Variants in FHIT observed in about 807,000 individuals in gnomAD.
FHIT encodes bis(5'-adenosyl)-triphosphatase.
In FHIT, 19 loss-of-function variants were observed where a neutral mutation model predicts 17.9. The observed-to-expected ratio is 1.06, with a 90% CI of 0.74 to 1.56. FHIT has a LOEUF of 1.56. FHIT is among the 40% of genes most tolerant of loss of function. The pLI is 0.00. For synonymous variants in FHIT, 81 were observed against 69.7 expected (o/e 1.16, Z -0.81); for missense variants, 248 against 189.2 (o/e 1.31, Z -1.82).
chr3:61,003,016 G>C (rs1255775306), intron 3 of FHIT, among the ~76,000 whole-genome samples: 1 of 152,196 alleles, frequency 6.6e-6, no homozygotes, highest in African/African-American at 2.4e-5. Context: ...GAATGCTGCT[G>C]AAAGGGTTTT....
chr3:61,216,926 T>C (rs1208222093), intron 1 of FHIT, among the ~76,000 whole-genome samples: 1 of 143,382 alleles, frequency 7.0e-6, no homozygotes, highest in East Asian at 2.0e-4. Flanking sequence ...TTCTCACTCA[T>C]AGGTGGGAAT....
At chr3:60,785,402 C>T (rs1277998988) in intron 4 of FHIT, among the ~76,000 whole-genome samples, 7 of 152,092 alleles carry the variant, frequency 4.6e-5, no homozygotes, top group African/African-American at 1.7e-4. Context: ...GGCCCATTTA[C>T]CATGCCACAG....
At chr3:60,369,216 C>T (rs1700228141) in intron 5 of FHIT, among the ~76,000 whole-genome samples, 1 of 152,084 alleles carries the variant, frequency 6.6e-6, no homozygotes, top group African/African-American at 2.4e-5. Context: ...AAACAATCCT[C>T]CCACCTCAGC....
chr3:61,136,925 A>G (rs139548883), intron 2 of FHIT, among the ~76,000 whole-genome samples: 1 of 152,368 alleles, frequency 6.6e-6, no homozygotes, highest in Non-Finnish European at 1.5e-5. Context: ...TTTGAGGACA[A>G]CTAGAAGATA....
intron 4 of FHIT, among the ~76,000 whole-genome samples, chr3:60,582,277 G>T (rs557587440): frequency 6.6e-6 from 1 of 152,044 alleles, no homozygotes; most frequent in African/African-American, 2.4e-5. Context: ...TGTGGGGGGC[G>T]ACTAGTCATT....
chr3:60,110,092 G>T lies in FHIT; in HGVS notation c.104-95940C>A, dbSNP rs189613316. On this transcript the variant is annotated intron_variant, in intron 5 of 9. Transcript: ENST00000492590. ...TGGCTATAAAGGAAACAGGAAACCTGTGTTCCAGGGACAATCTTCTTCATC... is the reference window on the plus strand; with the variant it reads ...TGGCTATAAAGGAAACAGGAAACCTTTGTTCCAGGGACAATCTTCTTCATC... Among the ~76,000 whole-genome samples, 4 of 152,258 alleles carry T rather than the reference G, an allele frequency of 2.6e-5. No homozygotes were observed. In the East Asian group the frequency reaches 7.7e-4, roughly 29 times the overall value.
At chr3:60,550,584 C>T (rs1169601138) in intron 4 of FHIT, among the ~76,000 whole-genome samples, 2 of 150,260 alleles carry the variant, frequency 1.3e-5, no homozygotes, top group African/African-American at 2.4e-5. Context: ...GATCTCACTT[C>T]ATCAGTTACC....
chr3:60,400,795 T>C (rs1226646831), intron 5 of FHIT, among the ~76,000 whole-genome samples: 5 of 152,116 alleles, frequency 3.3e-5, no homozygotes, highest in Admixed American at 6.5e-5. Flanking sequence ...AAGTGAAATC[T>C]CAGTGCGAAA....
intron 3 of FHIT, among the ~76,000 whole-genome samples, chr3:60,918,618 G>T (rs560970644): frequency 1.3e-5 from 2 of 152,300 alleles, no homozygotes; most frequent in South Asian, 4.1e-4. Context: ...GAAGATCTGG[G>T]AAAGGAAACC....
At chr3:60,365,037 T>A (rs1485986951) in intron 5 of FHIT, among the ~76,000 whole-genome samples, 2 of 147,908 alleles carry the variant, frequency 1.4e-5, no homozygotes, top group Non-Finnish European at 3.0e-5. Flanking sequence ...TGTATGTATG[T>A]ATCTATCTGA....
At chr3:60,337,195 C>T (rs1710286755) in intron 5 of FHIT, among the ~76,000 whole-genome samples, 1 of 152,054 alleles carries the variant, frequency 6.6e-6, no homozygotes, top group Non-Finnish European at 1.5e-5. Flanking sequence ...TTAGGGAATG[C>T]ATACTTTTTT....
chr3:60,828,976 G>A (rs1702220821), intron 3 of FHIT, among the ~76,000 whole-genome samples: 1 of 152,200 alleles, frequency 6.6e-6, no homozygotes, highest in African/African-American at 2.4e-5. Flanking sequence ...TGAAGGATGA[G>A]AAGGAGAACA....
At chr3:60,597,617 T>C (rs2038311993) in intron 4 of FHIT, among the ~76,000 whole-genome samples, 1 of 152,086 alleles carries the variant, frequency 6.6e-6, no homozygotes, top group African/African-American at 2.4e-5. Context: ...GAAGTCTAAG[T>C]CTCAGTCTCT....
chr3:60,963,182 A>G (rs1265320682), intron 3 of FHIT, among the ~76,000 whole-genome samples: 1 of 152,108 alleles, frequency 6.6e-6, no homozygotes, highest in African/African-American at 2.4e-5. Flanking sequence ...CCGGGAATTT[A>G]TCCATTTCTT....
At chr3:60,737,635 T>C (rs1397695363) in intron 4 of FHIT, among the ~76,000 whole-genome samples, 1 of 152,196 alleles carries the variant, frequency 6.6e-6, no homozygotes, top group African/African-American at 2.4e-5. Flanking sequence ...CTGCATCGTA[T>C]GGTGCAATTC....
At chr3:59,888,599 C>T (rs964131246) in intron 8 of FHIT, among the ~76,000 whole-genome samples, 11 of 152,130 alleles carry the variant, frequency 7.2e-5, no homozygotes, top group African/African-American at 2.4e-4. Flanking sequence ...AACATTAGCT[C>T]TATATCAGAA....
At chr3:60,421,152 C>G (rs932821287) in intron 5 of FHIT, among the ~76,000 whole-genome samples, 7 of 151,652 alleles carry the variant, frequency 4.6e-5, no homozygotes, top group African/African-American at 1.7e-4. Flanking sequence ...TGGTTTGGGA[C>G]CCATTTATTT....
intron 3 of FHIT, among the ~76,000 whole-genome samples, chr3:60,977,269 G>T (rs556534083): frequency 6.6e-6 from 1 of 152,280 alleles, no homozygotes; most frequent in Non-Finnish European, 1.5e-5. Flanking sequence ...CCTGGGTGGT[G>T]AAGAGCAGTC....
At chr3:59,765,680 G>C (rs1282715849) in intron 8 of FHIT, among the ~76,000 whole-genome samples, 1 of 152,180 alleles carries the variant, frequency 6.6e-6, no homozygotes, top group Non-Finnish European at 1.5e-5. Flanking sequence ...TTTGAAAACA[G>C]TTTAGCATTA....
Sources: gnomAD v4.1 joint callset for allele counts (sites outside exome capture counted in the v4.1 genomes callset) on GRCh38, gnomAD v4.1.1 for gene constraint, MANE v1.5 for transcripts, NCBI Gene and HGNC (gene_info 2026-07-23, HGNC 2026-07-21) for gene names.